MYH3: variants seen among roughly 807,000 people sequenced by gnomAD.
The protein encoded by MYH3 is myosin-3.
A neutral mutation model predicts 238.0 loss-of-function variants in MYH3; 130 were observed. The observed-to-expected ratio is 0.55, with a 90% CI of 0.47 to 0.63. The LOEUF (loss-of-function observed/expected upper bound fraction) is 0.63. Among genes scored for constraint, MYH3 ranks in the 30% least tolerant of loss-of-function variants. The probability of loss-of-function intolerance (pLI) is 0.00; values close to 1 mark genes in which losing one functional copy is unlikely to be tolerated. For synonymous variants in MYH3, 880 were observed against 924.1 expected (o/e 0.95, Z 0.86); for missense variants, 1,853 against 2,374.9 (o/e 0.78, Z 4.57).
intron 5 of MYH3, 63 bp from the exon 6 acceptor site, chr17:10,650,464 C>T: frequency 1.4e-6 from 2 of 1,478,680 alleles, no homozygotes; most frequent in South Asian, 2.3e-5. Flanking sequence ...CGATTCTACC[C>T]AACTCTCAAG....
chr17:10,648,674 A>G (rs1471164053), intron 7 of MYH3, 25 bp from the exon 8 acceptor site: 3 of 1,555,358 alleles, frequency 1.9e-6, no homozygotes, highest in Non-Finnish European at 2.6e-6. Flanking sequence ...TGAGGGAAGA[A>G]GAGGAAACAT....
At chr17:10,638,711 G>A (rs1352508258) in intron 26 of MYH3, among the ~76,000 whole-genome samples, 162 bp downstream of exon 26, 3 of 152,134 alleles carry the variant, frequency 2.0e-5, no homozygotes, top group Non-Finnish European at 4.4e-5. Flanking sequence ...CAGATGTTTT[G>A]GGGAAATGGT....
rs2074410765 is a variant in MYH3, at chr17:10,654,634, A to G, written c.204+227T>C. Among the ~76,000 whole-genome samples, 1 of 152,190 alleles carries G rather than the reference A, an allele frequency of 6.6e-6. No individual in the cohort carries two copies. The highest frequency in any genetic ancestry group is 2.4e-5 in the African/African-American group (1 of 41,446). On this transcript the variant is annotated intron_variant, in intron 3 of 40. Coordinates refer to ENST00000583535, the MANE Select transcript of MYH3 (RefSeq NM_002470.4). This position sits in a 1 kb window ranked among gnomAD's most constrained non-coding sequence, Gnocchi z 4.5. ...CGTGGACAAAAATACCTGAAAACTA[A>G]TTGTTTTAATCAGCCACAGCCAGAC...
chr17:10,637,687 CT>C, intron 28 of MYH3, 121 bp downstream of exon 28: 1 of 1,349,012 alleles, frequency 7.4e-7, no homozygotes, highest in Non-Finnish European at 1.0e-6. Flanking sequence ...AATTTCTTCT[CT>C]CCTGAAAAGA....
Position 10,634,889 on chromosome 17 carries a change from G to A in MYH3, c.4307C>T (p.Ala1436Val). 2 of 1,614,144 alleles carry A rather than the reference G, an allele frequency of 1.2e-6. No homozygotes were observed. Among genetic ancestry groups the A allele is most frequent in the South Asian group, 1.1e-5 (1 of 91,090 alleles). ...GTCCAGAGCGGCGGCCAAGGAATTG[G>A]CTCTTTCAACATCAACCATCAGATC... ...VEDLMVDVER[A>V]NSLAAALDKK... Residue 1436 changes from alanine (A) to valine (V), a missense_variant, in exon 31 of 41, where the codon GCC (alanine) becomes GTC (valine). Transcript: ENST00000583535.
At chr17:10,629,782 A>T in intron 39 of MYH3, 48 bp from the exon 40 acceptor site, 5 of 1,614,172 alleles carry the variant, frequency 3.1e-6, no homozygotes, top group Non-Finnish European at 4.2e-6. Flanking sequence ...CGCCTCTCTC[A>T]GAACTCACCA....
At chr17:10,667,639 G>A in the MYH3 span, among the ~76,000 whole-genome samples, 4 of 148,152 alleles carry the variant, frequency 2.7e-5, no homozygotes, top group Middle Eastern at 3.5e-3. Flanking sequence ...CCAAGATTGT[G>A]CCACCACACT....
In MYH3 at chr17:10,651,427, G is replaced by A. The variant is rs2074373157; in HGVS notation, c.505+85C>T. On this transcript the variant is annotated intron_variant, in intron 5 of 40. Coordinates refer to ENST00000583535, the MANE Select transcript of MYH3 (RefSeq NM_002470.4). ...TTCCCTGTGCTAAACACCAGATGGG[G>A]TCCAGCCTGGGAGTAAGGGGCAACT... is the stretch of plus-strand genomic sequence containing the variant. The A allele has an allele frequency of 2.5e-6, 4 of 1,604,872 alleles. No homozygotes were observed. In the South Asian group the frequency reaches 3.3e-5, roughly 13 times the overall value.
At chr17:10,633,533 C>T in intron 33 of MYH3, 58 bp downstream of exon 33, 1 of 1,606,592 alleles carries the variant, frequency 6.2e-7, no homozygotes, top group South Asian at 1.1e-5. Context: ...CAGCCAGCCT[C>T]CCTGGCCGTG....
chr17:10,640,793 G>T, intron 19 of MYH3, 107 bp from the exon 20 acceptor site: 2 of 1,382,118 alleles, frequency 1.4e-6, no homozygotes, highest in Non-Finnish European at 2.0e-6. Flanking sequence ...CAAGGTCCCA[G>T]GAGATGAGGG....
chr17:10,639,047 T>C lies in MYH3; in HGVS notation c.3245A>G (p.Lys1082Arg). 1 of 1,614,260 alleles carries C rather than the reference T, an allele frequency of 6.2e-7. No individual in the cohort carries two copies. Among genetic ancestry groups the C allele is most frequent in the Non-Finnish European group, 8.5e-7 (1 of 1,180,042 alleles). ...NDKQQLDERL[K>R]KKDFEYCQLQ... ...AGCCAGTGGTTGAAGGGCATACTTC[T>C]TGAGCCTTTCGTCCAGCTGTTGCTT... Residue 1082 changes from lysine (K) to arginine (R), a missense_variant, in exon 25 of 41, where the codon AAG becomes AGG. Physicochemically the swap from Lys to Arg is conservative, Grantham distance 26. Coordinates refer to ENST00000583535, the MANE Select transcript of MYH3 (RefSeq NM_002470.4).
chr17:10,652,843 G>A (rs1453075679), intron 3 of MYH3, among the ~76,000 whole-genome samples: 4 of 151,618 alleles, frequency 2.6e-5, no homozygotes, highest in Non-Finnish European at 5.9e-5. Context: ...GGATGGTCTC[G>A]ATCTCCTGAC....
chr17:10,653,321 G>C (rs73283083), intron 3 of MYH3, among the ~76,000 whole-genome samples: 6,629 of 152,170 alleles, frequency 0.044, 260 homozygotes, highest in African/African-American at 0.11. Context: ...AGGGACCGAA[G>C]AGAATGAGGA....
At chr17:10,673,788 A>G in the MYH3 span, 1 of 152,224 alleles carries the variant, frequency 6.6e-6, no homozygotes, top group Admixed American at 6.5e-5. Context: ...CTTTTTGATC[A>G]TATTATAACA....
At chr17:10,638,524 A>G in intron 26 of MYH3, 92 bp from the exon 27 acceptor site, 1 of 1,534,940 alleles carries the variant, frequency 6.5e-7, no homozygotes, top group East Asian at 2.3e-5. Context: ...CCCATTAGAC[A>G]AACTGAGTCT....
chr17:10,643,611 C>T (rs1486552469), intron 14 of MYH3, among the ~76,000 whole-genome samples: 5 of 151,892 alleles, frequency 3.3e-5, no homozygotes, highest in Non-Finnish European at 2.9e-5. Context: ...CTTGACCTTG[C>T]GATCTGCCTG....
chr17:10,652,587 T>G, intron 3 of MYH3, 24 bp from the exon 4 acceptor site: 1 of 1,491,400 alleles, frequency 6.7e-7, no homozygotes, highest in Non-Finnish European at 9.3e-7. Context: ...GGCACAGTGC[T>G]TCACTAAGAT....
intron 5 of MYH3, among the ~76,000 whole-genome samples, chr17:10,651,100 G>A (rs533267459): frequency 7.6e-5 from 11 of 145,580 alleles, no homozygotes; most frequent in Admixed American, 6.5e-4. Context: ...CAGGAGAATC[G>A]CTTGAACCCG....
rs555398029 is a variant in MYH3, at chr17:10,645,990, A to C, written c.941T>G (p.Ile314Ser). The change falls in exon 11 of 41, where the codon ATT (isoleucine) becomes AGT (serine). Residue 314 changes from isoleucine (I) to serine (S), a missense_variant. Transcript: ENST00000583535. ...ITTNPYDYPF[I>S]SQGEILVASI... ...GGCCACCAGGATCTCCCCCTGGCTA[A>C]TGAACGGGTAGTCGTAAGGGTTGGT... 15 of 1,614,018 alleles carry C rather than the reference A, an allele frequency of 9.3e-6. No individual in the cohort carries two copies. The East Asian group carries it at 3.1e-4, about 34-fold the overall frequency.
Sources: gnomAD v4.1 joint callset for allele counts (sites outside exome capture counted in the v4.1 genomes callset) on GRCh38, gnomAD v4.1.1 for gene constraint, Gnocchi (gnomAD v3.1) non-coding constraint, MANE v1.5 for transcripts, NCBI Gene and HGNC (gene_info 2026-07-23, HGNC 2026-07-21) for gene names.